DIP2C: variants seen among roughly 807,000 people sequenced by gnomAD.
DIP2C encodes DIP2 acetate--CoA ligase C (putative).
A neutral mutation model predicts 192.4 loss-of-function variants in DIP2C; 33 were observed. The observed-to-expected ratio is 0.17, with a 90% CI of 0.13 to 0.23. The LOEUF is 0.23. Ranked by LOEUF, DIP2C falls within the 10% of genes least tolerant of loss-of-function variation. The pLI, the probability that DIP2C is intolerant of heterozygous loss-of-function variation, is 1.00. For missense variants in DIP2C, 1,537 were observed against 2,110.1 expected, an observed-to-expected ratio of 0.73 and a Z score of 5.32; for synonymous variants, 979 against 864.1, an observed-to-expected ratio of 1.13 and a Z score of -2.33.
At chr10:484,865 C>G in intron 2 of DIP2C, 1 of 1,611,736 alleles carries the variant, frequency 6.2e-7, no homozygotes, top group Non-Finnish European at 8.5e-7. Flanking sequence ...TCGCACACCC[C>G]GATGTGGGCA....
chr10:487,769 G>A (rs1193294255), intron 1 of DIP2C, among the ~76,000 whole-genome samples: 1 of 151,924 alleles, frequency 6.6e-6, no homozygotes, highest in Non-Finnish European at 1.5e-5. Context: ...AGTAGAGACA[G>A]GGTTTCACCA....
intron 1 of DIP2C, among the ~76,000 whole-genome samples, chr10:555,541 G>T (rs1007561638): frequency 1.3e-5 from 2 of 152,142 alleles, no homozygotes; most frequent in African/African-American, 2.4e-5. Context: ...CACCCTGGGG[G>T]AGGCATGAAA....
intron 2 of DIP2C, among the ~76,000 whole-genome samples, chr10:477,981 G>A (rs1843224028): frequency 2.4e-5 from 2 of 82,258 alleles, no homozygotes; most frequent in African/African-American, 5.3e-5. Flanking sequence ...GGAACAGAAA[G>A]TAGAAGAGAA....
intron 29 of DIP2C, among the ~76,000 whole-genome samples, chr10:337,785 AGCTGTGTGTGTGCACGTGTGTCG>A (rs1957928302): frequency 1.1e-5 from 1 of 95,106 alleles, no homozygotes; most frequent in South Asian, 3.9e-4. Flanking sequence ...AGGCCTAGGC[AGCTGTGTGTGTGCACGTGTGTCG>A]TGGAGGCCTA....
intron 3 of DIP2C, among the ~76,000 whole-genome samples, chr10:449,345 A>T (rs1968641813): frequency 6.6e-6 from 1 of 152,214 alleles, no homozygotes; most frequent in South Asian, 2.1e-4. Flanking sequence ...AAAATTAACG[A>T]TCAAGTAAAG....
At chr10:353,710 GGCCA>G (rs1958933358) in intron 24 of DIP2C, among the ~76,000 whole-genome samples, 1 of 152,104 alleles carries the variant, frequency 6.6e-6, no homozygotes, top group African/African-American at 2.4e-5. Flanking sequence ...GTGACTACAC[GGCCA>G]GCAAGACCGG....
chr10:414,739 G>GTGTCTATATATATATATA, intron 7 of DIP2C, among the ~76,000 whole-genome samples: 1 of 90,510 alleles, frequency 1.1e-5, no homozygotes, highest in Admixed American at 1.2e-4. Flanking sequence ...GTGTGTGTGT[G>GTGTCTATATATATATATA]TACATATATA....
intron 32 of DIP2C, among the ~76,000 whole-genome samples, chr10:298,295 G>C (rs1250650700): frequency 1.3e-5 from 2 of 152,168 alleles, no homozygotes; most frequent in East Asian, 3.9e-4. Context: ...GTTGGGACTT[G>C]TCTAACATTG....
chr10:308,947 C>T (rs1956454488), intron 32 of DIP2C, among the ~76,000 whole-genome samples: 1 of 152,234 alleles, frequency 6.6e-6, no homozygotes, highest in Non-Finnish European at 1.5e-5. Context: ...AGCTGAGCCA[C>T]TGCCCAACTT....
intron 31 of DIP2C, chr10:324,911 T>A (rs748080140): frequency 1.9e-6 from 1 of 532,296 alleles, no homozygotes; most frequent in South Asian, 1.4e-5. Context: ...CATGTTTTGG[T>A]TCTTTTTTCA....
At chr10:460,121 A>T (rs1268948571) in intron 3 of DIP2C, among the ~76,000 whole-genome samples, 1 of 151,338 alleles carries the variant, frequency 6.6e-6, no homozygotes, top group Non-Finnish European at 1.5e-5. Context: ...TCTTCCTCTC[A>T]CAGTCACATC....
chr10:427,324 G>T (rs1192229420), intron 4 of DIP2C, among the ~76,000 whole-genome samples: 1 of 152,268 alleles, frequency 6.6e-6, no homozygotes, highest in South Asian at 2.1e-4. Context: ...GGGTCCACCT[G>T]CTTAAACCAG....
intron 32 of DIP2C, among the ~76,000 whole-genome samples, chr10:293,170 C>T (rs1167332938): frequency 6.6e-6 from 1 of 152,256 alleles, no homozygotes. Flanking sequence ...GCCCACACCA[C>T]TACTCAGCAC....
chr10:558,723 T>C (rs1187668779), intron 1 of DIP2C, among the ~76,000 whole-genome samples: 2 of 152,232 alleles, frequency 1.3e-5, no homozygotes, highest in Non-Finnish European at 2.9e-5. Flanking sequence ...AGGCCGCCTA[T>C]GTCAGGGAAT....
chr10:384,737 G>C, intron 14 of DIP2C, 98 bp from the exon 15 acceptor site: 1 of 1,251,194 alleles, frequency 8.0e-7, no homozygotes, highest in South Asian at 1.3e-5. Flanking sequence ...ACGGGCAGGG[G>C]GGAGCTCTCA....
chr10:437,174 T>C (rs1162247077), intron 4 of DIP2C, among the ~76,000 whole-genome samples: 1 of 143,544 alleles, frequency 7.0e-6, no homozygotes, highest in Non-Finnish European at 1.5e-5. Context: ...TAGGGTGATA[T>C]GCTCCACCCA....
chr10:324,762 C>T (rs1957189358), intron 31 of DIP2C: 2 of 367,022 alleles, frequency 5.4e-6, no homozygotes, highest in African/African-American at 2.1e-5. Flanking sequence ...CACATTCATT[C>T]AATATCCACC....
chr10:329,394 G>T, intron 30 of DIP2C, 39 bp downstream of exon 30: 1 of 1,578,972 alleles, frequency 6.3e-7, no homozygotes, highest in Non-Finnish European at 8.6e-7. Context: ...GAGTCCCTGT[G>T]GGCTCACAGG....
At chr10:425,965 T>A (rs975126930) in intron 4 of DIP2C, among the ~76,000 whole-genome samples, 5 of 152,232 alleles carry the variant, frequency 3.3e-5, no homozygotes, top group African/African-American at 1.2e-4. Context: ...AAGACAAAGA[T>A]GTCCCCTCTT....
Sources: allele counts gnomAD v4.1 joint callset (sites outside exome capture counted in the v4.1 genomes callset), GRCh38; gene constraint gnomAD v4.1.1; transcripts MANE v1.5; gene names NCBI Gene and HGNC (gene_info 2026-07-23, HGNC 2026-07-21).